The following ADGRV1 variants were observed in gnomAD, a reference collection of about 807,000 sequenced individuals.
ADGRV1 encodes the protein G-protein coupled receptor 98.
In ADGRV1, 359 loss-of-function variants were observed where a neutral mutation model predicts 596.2. The ratio of observed to expected loss-of-function variants is 0.60; its 90% CI spans 0.55 to 0.66. The LOEUF (loss-of-function observed/expected upper bound fraction) is 0.66. ADGRV1 is among the 30% of genes least tolerant of loss of function. The pLI is 0.00. For synonymous variants in ADGRV1, 2,681 were observed against 2,679.2 expected (o/e 1.00, Z -0.02); for missense variants, 7,274 against 7,575.6 (o/e 0.96, Z 1.48).
At position 90,653,543 on chromosome 5, in the gene ADGRV1, T is replaced by C. The variant is rs1175349754; in HGVS notation, c.3969T>C (p.Ser1323=). Residue 1323 remains serine (S), a synonymous_variant, in exon 20 of 90, where the codon AGT becomes AGC. Transcript: ENST00000405460. ...AACAGCACATGCGGCGTCACCACAG[T>C]GGAACGGATGCTTTGTACTTTACCG... ...HLQQHMRRHH[S]GTDALYFTGL... The C allele has an allele frequency of 4.3e-6, 7 of 1,613,936 alleles. No individual in the cohort carries two copies. The East Asian group carries it at 1.1e-4, about 26-fold the overall frequency.
intron 58 of ADGRV1, 57 bp from the exon 59 acceptor site, chr5:90,763,248 T>C: frequency 7.9e-7 from 1 of 1,263,808 alleles, no homozygotes. Context: ...TCTACTTGTT[T>C]ATCCTGCTCT....
intron 21 of ADGRV1, among the ~76,000 whole-genome samples, chr5:90,669,178 C>T (rs1433757938): frequency 4.6e-5 from 7 of 152,202 alleles, no homozygotes; most frequent in Admixed American, 4.6e-4. Flanking sequence ...CATACTCTTT[C>T]CACCACACAT....
chr5:90,597,484 A>G (rs973185083), intron 1 of ADGRV1, among the ~76,000 whole-genome samples: 7 of 152,248 alleles, frequency 4.6e-5, no homozygotes, highest in Non-Finnish European at 7.3e-5. Context: ...TGGGCATAAC[A>G]TTGCATAGAC....
chr5:90,845,904 G>T (rs1401788757), intron 78 of ADGRV1, among the ~76,000 whole-genome samples: 1 of 152,066 alleles, frequency 6.6e-6, no homozygotes, highest in Non-Finnish European at 1.5e-5. Context: ...GTATCCAGTG[G>T]TTGTGCTCTG....
chr5:90,972,970 A>T (rs1440305680), intron 84 of ADGRV1, among the ~76,000 whole-genome samples: 2 of 152,212 alleles, frequency 1.3e-5, no homozygotes, highest in East Asian at 3.8e-4. Flanking sequence ...CTAATAAAGA[A>T]GAAAAGAGAG....
chr5:90,649,413 G>GA (rs1292617734), intron 17 of ADGRV1, among the ~76,000 whole-genome samples: 1 of 151,912 alleles, frequency 6.6e-6, no homozygotes, highest in Non-Finnish European at 1.5e-5. Flanking sequence ...CTGTCATTAG[G>GA]AAAAAAACGC....
At chr5:90,780,593 G>A (rs1758731580) in intron 64 of ADGRV1, among the ~76,000 whole-genome samples, 1 of 152,174 alleles carries the variant, frequency 6.6e-6, no homozygotes, top group Admixed American at 6.6e-5. Context: ...TATCATTACA[G>A]AAGTAAACTA....
chr5:90,563,311 T>G (rs1056971675), intron 1 of ADGRV1, among the ~76,000 whole-genome samples: 2 of 152,256 alleles, frequency 1.3e-5, no homozygotes, highest in African/African-American at 4.8e-5. Context: ...CTGCTCTGTC[T>G]GAGGCTGTTG....
At chr5:90,932,814 A>G (rs1775368508) in intron 83 of ADGRV1, among the ~76,000 whole-genome samples, 1 of 151,342 alleles carries the variant, frequency 6.6e-6, no homozygotes, top group Non-Finnish European at 1.5e-5. Flanking sequence ...GTGTGTGTAT[A>G]CATACACATA....
At chr5:90,672,780 T>C in intron 22 of ADGRV1, 58 bp downstream of exon 22, 5 of 1,290,758 alleles carry the variant, frequency 3.9e-6, no homozygotes, top group Non-Finnish European at 5.3e-6. Context: ...TCCTGAAGTG[T>C]TTGTTCTGTA....
At chr5:91,015,343 G>A (rs1783089667) in intron 85 of ADGRV1, among the ~76,000 whole-genome samples, 1 of 152,044 alleles carries the variant, frequency 6.6e-6, no homozygotes, top group African/African-American at 2.4e-5. Flanking sequence ...GCGATGAGAA[G>A]AATGTATATT....
intron 21 of ADGRV1, among the ~76,000 whole-genome samples, chr5:90,672,180 T>C (rs772117871): frequency 6.6e-6 from 1 of 152,244 alleles, no homozygotes; most frequent in Non-Finnish European, 1.5e-5. Context: ...AAGTTTGTCT[T>C]TCTCTTTAGA....
intron 83 of ADGRV1, among the ~76,000 whole-genome samples, chr5:90,954,308 T>C (rs879889551): frequency 1.3e-5 from 2 of 152,066 alleles, no homozygotes; most frequent in Non-Finnish European, 2.9e-5. Flanking sequence ...ATGTTGGATC[T>C]GTATGGGTTA....
At position 90,974,497 on chromosome 5, in the gene ADGRV1, C is replaced by G. The variant is rs6888277; in HGVS notation, c.17973+8966C>G. ...AAACAGCATGGTACTGGTACCAAAA[C>G]AGAGATATAGACCAATGGAACAGAA... On this transcript the variant is annotated intron_variant, in intron 84 of 89. Transcript: ENST00000405460. Among the ~76,000 whole-genome samples the G allele has an allele frequency of 5.2e-3, 797 of 152,280 alleles. 9 individuals carry two copies. Among genetic ancestry groups the G allele is most frequent in the African/African-American group, 0.018 (756 of 41,554 alleles).
chr5:90,955,408 A>G (rs1232810074), intron 83 of ADGRV1, among the ~76,000 whole-genome samples: 1 of 152,174 alleles, frequency 6.6e-6, no homozygotes, highest in Non-Finnish European at 1.5e-5. Context: ...CCCAAAGCAG[A>G]GAGTCCTTTA....
intron 21 of ADGRV1, among the ~76,000 whole-genome samples, chr5:90,670,496 G>A (rs887516556): frequency 2.6e-5 from 4 of 152,208 alleles, no homozygotes; most frequent in Non-Finnish European, 5.9e-5. Flanking sequence ...GAAGTCATGT[G>A]AATAGATTGC....
chr5:91,100,566 C>G (rs1343505746), intron 86 of ADGRV1, among the ~76,000 whole-genome samples: 1 of 151,952 alleles, frequency 6.6e-6, no homozygotes, highest in Non-Finnish European at 1.5e-5. Flanking sequence ...GCTAAATAAG[C>G]AGGAATATAT....
At chr5:90,955,072 G>T (rs1451332726) in intron 83 of ADGRV1, among the ~76,000 whole-genome samples, 1 of 152,084 alleles carries the variant, frequency 6.6e-6, no homozygotes, top group Admixed American at 6.6e-5. Flanking sequence ...TCTGTTCTCT[G>T]CCATGTAAGG....
chr5:90,676,210 G>A lies in ADGRV1; in HGVS notation c.5443+1G>A, dbSNP rs1372820601. 1 of 1,599,050 alleles carries A rather than the reference G, an allele frequency of 6.3e-7. No homozygotes were observed. The highest frequency in any genetic ancestry group is 8.5e-7 in the Non-Finnish European group (1 of 1,174,030). On this transcript the variant is annotated splice_donor_variant, in intron 25 of 89. Coordinates refer to ENST00000405460, the MANE Select transcript of ADGRV1 (RefSeq NM_032119.4). LOFTEE classifies it high-confidence loss of function. ...GAGTTGTTAAACTTGGAAGGAGGAGGTAAGGCTGGTGATTCAAAAATGTTA... is the reference window on the plus strand; with the variant it reads ...GAGTTGTTAAACTTGGAAGGAGGAGATAAGGCTGGTGATTCAAAAATGTTA...
Sources: allele counts gnomAD v4.1 joint callset (sites outside exome capture counted in the v4.1 genomes callset), GRCh38; gene constraint gnomAD v4.1.1; transcripts MANE v1.5; gene names NCBI Gene and HGNC (gene_info 2026-07-23, HGNC 2026-07-21).